The following LRTM3 variants were observed in gnomAD, a reference collection of about 807,000 sequenced individuals.
LRTM3 encodes leucine-rich repeat transmembrane protein 3.
the LRTM3 span, chr13:102,733,715 A>G: frequency 6.4e-7 from 1 of 1,551,346 alleles, no homozygotes; most frequent in Non-Finnish European, 8.7e-7. Flanking sequence ...TGTGAAATAA[A>G]TGTCCTCATC....
At chr13:102,734,015 G>T in the LRTM3 span, 1 of 1,551,424 alleles carries the variant, frequency 6.4e-7, no homozygotes, top group Non-Finnish European at 8.7e-7. Flanking sequence ...CAGATAAAGA[G>T]GAGGTGCTGA....
the LRTM3 span, chr13:102,744,386 T>G: frequency 6.5e-7 from 1 of 1,550,260 alleles, no homozygotes; most frequent in Non-Finnish European, 8.7e-7. Context: ...ACTATCCCAT[T>G]TCCTTCTAGG....
the LRTM3 span, chr13:102,730,425 C>T: frequency 1.3e-6 from 2 of 1,550,982 alleles, no homozygotes; most frequent in Non-Finnish European, 1.7e-6. Flanking sequence ...TCACATGAAA[C>T]AGCTGAACCA....
At chr13:102,745,057 T>A in the LRTM3 span, 7 of 1,550,786 alleles carry the variant, frequency 4.5e-6, no homozygotes, top group Non-Finnish European at 5.2e-6. Flanking sequence ...GGCATTTCTT[T>A]GTCTCCTCTC....
chr13:102,742,335 C>A, the LRTM3 span: 1 of 1,548,770 alleles, frequency 6.5e-7, no homozygotes, highest in Non-Finnish European at 8.7e-7. Context: ...TTTGCCTTAT[C>A]TTTATGTCTT....
the LRTM3 span, chr13:102,750,426 A>G: frequency 6.5e-6 from 7 of 1,084,718 alleles, no homozygotes; most frequent in East Asian, 1.6e-4. Flanking sequence ...TGAATATTAG[A>G]ATATATTTCG....
chr13:102,753,544 A>T, the LRTM3 span, among the ~76,000 whole-genome samples: 5 of 151,996 alleles, frequency 3.3e-5, no homozygotes, highest in African/African-American at 4.8e-5. Flanking sequence ...ATGTGAGGAC[A>T]CAGCAAGAAA....
At chr13:102,747,777 A>T in the LRTM3 span, 8 of 1,551,262 alleles carry the variant, frequency 5.2e-6, no homozygotes, top group Non-Finnish European at 7.0e-6. Flanking sequence ...ATCATGGGGC[A>T]TGGACTATTC....
chr13:102,749,857 C>G, the LRTM3 span: 1 of 1,551,322 alleles, frequency 6.4e-7, no homozygotes, highest in African/African-American at 1.4e-5. Flanking sequence ...GATTCTGATT[C>G]AAGGACTCTT....
At chr13:102,736,293 GCTC>G in the LRTM3 span, 2 of 1,551,044 alleles carry the variant, frequency 1.3e-6, no homozygotes, top group Non-Finnish European at 1.7e-6. Flanking sequence ...CCCCACTGTG[GCTC>G]CTTTCTCTTA....
At chr13:102,753,965 C>A in the LRTM3 span, among the ~76,000 whole-genome samples, 1 of 152,228 alleles carries the variant, frequency 6.6e-6, no homozygotes, top group African/African-American at 2.4e-5. Flanking sequence ...AATCCCAGGT[C>A]TCTGGGAGGC....
the LRTM3 span, chr13:102,741,604 G>A: frequency 1.2e-5 from 19 of 1,550,282 alleles, no homozygotes; most frequent in Non-Finnish European, 1.6e-5. Flanking sequence ...TAGACCCCAG[G>A]TTTGTCATAG....
chr13:102,743,395 A>C, the LRTM3 span: 1 of 1,550,582 alleles, frequency 6.4e-7, no homozygotes, highest in Non-Finnish European at 8.7e-7. Context: ...CCACATTTTC[A>C]CCTTGCCACA....
the LRTM3 span, chr13:102,732,335 T>A: frequency 6.4e-7 from 1 of 1,551,412 alleles, no homozygotes; most frequent in Non-Finnish European, 8.7e-7. Flanking sequence ...CTCTAATTTC[T>A]TTCTATTGCT....
the LRTM3 span, among the ~76,000 whole-genome samples, chr13:102,753,409 G>A: frequency 6.7e-3 from 1,014 of 150,918 alleles, 3 homozygotes; most frequent in Non-Finnish European, 0.011. Flanking sequence ...CGGGTTGATA[G>A]GTGCAGCAAA....
the LRTM3 span, chr13:102,750,000 G>T: frequency 6.5e-7 from 1 of 1,550,250 alleles, no homozygotes; most frequent in Admixed American, 2.0e-5. Flanking sequence ...AGAGGGCAAG[G>T]TGCCACATCT....
chr13:102,735,755 G>A, the LRTM3 span: 2 of 1,546,344 alleles, frequency 1.3e-6, no homozygotes, highest in African/African-American at 2.8e-5. Context: ...TGAATCTGAT[G>A]AATCCTGAAT....
At chr13:102,737,121 G>T in the LRTM3 span, 1 of 1,551,010 alleles carries the variant, frequency 6.4e-7, no homozygotes, top group Non-Finnish European at 8.7e-7. Context: ...AGTGATAATT[G>T]CTCTGCCTCA....
the LRTM3 span, chr13:102,736,379 T>C: frequency 1.0e-5 from 16 of 1,550,926 alleles, no homozygotes; most frequent in Admixed American, 3.9e-5. Context: ...AACGGCACCA[T>C]TGGGGTGCAT....
Sources: gnomAD v4.1 joint callset for allele counts (sites outside exome capture counted in the v4.1 genomes callset) on GRCh38, gnomAD v4.1.1 for gene constraint, MANE v1.5 for transcripts, NCBI Gene and HGNC (gene_info 2026-07-23, HGNC 2026-07-21) for gene names.